The following KIAA1549 variants were observed in gnomAD, a reference collection of about 807,000 sequenced individuals.
The protein encoded by KIAA1549 is UPF0606 protein KIAA1549.
Under a neutral mutation model 156.4 loss-of-function variants are expected in KIAA1549, and 70 were observed. The ratio of observed to expected loss-of-function variants is 0.45; its 90% CI spans 0.37 to 0.55. The LOEUF is 0.55. KIAA1549 is among the 20% of genes least tolerant of loss of function. The pLI, the probability that KIAA1549 is intolerant of heterozygous loss-of-function variation, is 0.00. For missense variants in KIAA1549, 2,428 were observed against 2,540.9 expected (o/e 0.96, Z 0.96); for synonymous variants, 1,103 against 1,066.4 (o/e 1.03, Z -0.67).
chr7:138,941,734 G>C (rs1360079180), intron 1 of KIAA1549, among the ~76,000 whole-genome samples: 1 of 152,144 alleles, frequency 6.6e-6, no homozygotes, highest in Admixed American at 6.6e-5. Flanking sequence ...CCCTGGGTTA[G>C]AGCACTTCCA....
intron 15 of KIAA1549, among the ~76,000 whole-genome samples, chr7:138,861,689 C>A (rs1458302003): frequency 4.7e-5 from 6 of 128,606 alleles, no homozygotes. Flanking sequence ...CCCCCCATCT[C>A]TAAAAAAAAA....
intron 1 of KIAA1549, among the ~76,000 whole-genome samples, chr7:138,954,317 T>C (rs1277428126): frequency 6.6e-6 from 1 of 152,090 alleles, no homozygotes; most frequent in Non-Finnish European, 1.5e-5. Flanking sequence ...ATGAGTAAGA[T>C]ACTAAAGAAA....
chr7:138,980,691 C>G (rs1416968639), intron 1 of KIAA1549, among the ~76,000 whole-genome samples: 2 of 152,226 alleles, frequency 1.3e-5, no homozygotes. Flanking sequence ...CACCTCTTCG[C>G]CCCGACAATA....
At chr7:138,879,286 G>A (rs1256590881) in intron 12 of KIAA1549, among the ~76,000 whole-genome samples, 2 of 152,140 alleles carry the variant, frequency 1.3e-5, no homozygotes, top group Admixed American at 6.5e-5. Context: ...CAGGCAAATC[G>A]TGAGGACTCT....
chr7:138,876,421 T>C (rs773002394), intron 12 of KIAA1549: 13 of 152,258 alleles, frequency 8.5e-5, no homozygotes, highest in Non-Finnish European at 1.3e-4. Flanking sequence ...GCTCATCTTC[T>C]TTGTTGCCTT....
chr7:138,904,907 G>GT (rs1811963934), intron 7 of KIAA1549, 115 bp downstream of exon 7: 2 of 651,684 alleles, frequency 3.1e-6, no homozygotes, highest in African/African-American at 3.7e-5. Flanking sequence ...TGCCAAGAAT[G>GT]TAAGGTACAT....
In KIAA1549 at chr7:138,861,380, G is replaced by A. The variant is rs750198727; in HGVS notation, c.5006C>T (p.Pro1669Leu). 27 of 1,611,060 alleles carry A rather than the reference G, an allele frequency of 1.7e-5. No individual in the cohort carries two copies. The highest frequency in any genetic ancestry group is 1.9e-5 in the Non-Finnish European group (22 of 1,179,138). Reference sequence around the variant, plus strand: ...CTGGGGTGGGATGTACTGGGAGGCCGGGAAGGGAAGGGCTGGATACCTCCC... The same window carrying A: ...CTGGGGTGGGATGTACTGGGAGGCCAGGAAGGGAAGGGCTGGATACCTCCC... Reference protein sequence around the residue: ...ELGRYPALPFPASQYIPPQPS... With the variant: ...ELGRYPALPFLASQYIPPQPS... The change falls in exon 16 of 20, where the codon CCG becomes CTG. Residue 1669 changes from proline to leucine, a missense_variant. Physicochemically the swap from Pro to Leu is moderately conservative, Grantham distance 98. Transcript: ENST00000422774.
In KIAA1549 at chr7:138,877,145, C is replaced by A. The variant is rs1221434770; in HGVS notation, c.4345+2393G>T. 2.0e-5 allele frequency among the ~76,000 whole-genome samples: 3 copies of A among 152,172 alleles called. No individual in the cohort carries two copies. In the East Asian group the frequency reaches 5.8e-4, roughly 29 times the overall value. ...AAGCAGCCTCCCTCCCCGCTCCCCA[C>A]CTCCATTAATTTTTACTTCATTACG... is the stretch of plus-strand genomic sequence containing the variant. On this transcript the variant is annotated intron_variant, in intron 12 of 19. Transcript: ENST00000422774.
At chr7:138,872,038 G>A (rs1414006171) in intron 12 of KIAA1549, among the ~76,000 whole-genome samples, 2 of 151,966 alleles carry the variant, frequency 1.3e-5, no homozygotes, top group Non-Finnish European at 2.9e-5. Flanking sequence ...GCCTAGGCTG[G>A]ATAGTGATTC....
chr7:138,962,904 C>A (rs931958533), intron 1 of KIAA1549, among the ~76,000 whole-genome samples: 4 of 152,214 alleles, frequency 2.6e-5, no homozygotes, highest in African/African-American at 9.7e-5. Flanking sequence ...CACAGTTCTG[C>A]GGTCCTACAT....
chr7:138,941,874 A>C (rs1225226623), intron 1 of KIAA1549, among the ~76,000 whole-genome samples: 2 of 152,228 alleles, frequency 1.3e-5, no homozygotes, highest in African/African-American at 4.8e-5. Flanking sequence ...AAACTCTTCC[A>C]AAGAGGAAAT....
rs1201752539 is a variant in KIAA1549, at chr7:138,883,089, T to TAAAAAAAAAAAAAAAAAAAAAAAAAAAA, written c.4033-1533_4033-1506dup. Among the ~76,000 whole-genome samples the TAAAAAAAAAAAAAAAAAAAAAAAAAAAA allele has an allele frequency of 4.2e-5, 2 of 47,064 alleles. 1 individual carries two copies. Among genetic ancestry groups the TAAAAAAAAAAAAAAAAAAAAAAAAAAAA allele is most frequent in the African/African-American group, 1.7e-4 (2 of 11,540 alleles). 30.9% of individuals were successfully genotyped at this position (47,064 alleles called of 152,430 possible). ...CAACATGGTGAAACCCCATCTCCCC[T>TAAAAAAAAAAAAAAAAAAAAAAAAAAAA]AAAAAAAAAAAAAAAAAAAAAAAAA... On this transcript the variant is annotated intron_variant, in intron 10 of 19. Coordinates refer to ENST00000422774, the MANE Select transcript of KIAA1549 (RefSeq NM_001164665.2).
chr7:138,843,299 T>G (rs1263236494), intron 18 of KIAA1549, among the ~76,000 whole-genome samples: 1 of 152,216 alleles, frequency 6.6e-6, no homozygotes, highest in Non-Finnish European at 1.5e-5. Context: ...GGTGTTAATT[T>G]GCAATTTTAA....
In KIAA1549 at chr7:138,837,681, A is replaced by G. The variant is rs981342833; in HGVS notation, c.*225T>C. 2.1e-5 allele frequency: 12 copies of G among 573,564 alleles called. No homozygotes were observed. The highest frequency in any genetic ancestry group is 1.5e-4 in the African/African-American group (8 of 53,532). The allele number at this position is 573,564 out of a possible 1,614,324, so 35.5% of individuals were successfully genotyped here. ...TGCTGCTGGCTTTTGGCCAAAATAC[A>G]TATATTTCAACTGAACCCAAGTGTT... On this transcript the variant is annotated 3_prime_UTR_variant, in exon 20 of 20. Transcript: ENST00000422774.
rs1451090753 is a variant in KIAA1549, at chr7:138,835,877, G to A, written c.*2029C>T. The A allele has an allele frequency of 9.1e-6, 2 of 219,512 alleles. No homozygotes were observed. The highest frequency in any genetic ancestry group is 1.8e-5 in the Non-Finnish European group (2 of 109,524). 13.6% of individuals were successfully genotyped at this position (219,512 alleles called of 1,614,324 possible). A position where few individuals can be genotyped will look rare whatever the true frequency, so the allele number is the denominator to read the frequency against. The stretch of plus-strand genomic sequence containing the variant: ...AGATGCTGCTGGTCCTTTGTTGAAC[G>A]TCCTTGAGAGACTTACTCTCCTGCA... On this transcript the variant is annotated 3_prime_UTR_variant, in exon 20 of 20. Coordinates refer to ENST00000422774, the MANE Select transcript of KIAA1549 (RefSeq NM_001164665.2).
chr7:138,916,681 GGCACTGCACACAA>G, intron 2 of KIAA1549, 54 bp downstream of exon 2: 1 of 1,578,372 alleles, frequency 6.3e-7, no homozygotes, highest in Non-Finnish European at 8.6e-7. Context: ...AAGCCTCACA[GGCACTGCACACAA>G]GCTCCTTAGA....
intron 12 of KIAA1549, among the ~76,000 whole-genome samples, chr7:138,878,580 G>A (rs1410502255): frequency 1.3e-5 from 2 of 152,140 alleles, no homozygotes; most frequent in Non-Finnish European, 2.9e-5. Flanking sequence ...GAGCAACACG[G>A]TGAAACCTTG....
rs1465023908 is a variant in KIAA1549, at chr7:138,881,380, A to G, written c.4229+8T>C. On this transcript the variant is annotated splice_region_variant and intron_variant, in intron 11 of 19. Transcript: ENST00000422774. Reference sequence around the variant, plus strand: ...AACAAAGAATAATACAGAAAGCCCAATAATAACCTTCCTCTGTGACGAACA... The same window carrying G: ...AACAAAGAATAATACAGAAAGCCCAGTAATAACCTTCCTCTGTGACGAACA... The G allele has an allele frequency of 6.2e-7, 1 of 1,611,258 alleles. No individual in the cohort carries two copies. Among genetic ancestry groups the G allele is most frequent in the Non-Finnish European group, 8.5e-7 (1 of 1,178,954 alleles).
At position 138,881,576 on chromosome 7, in the gene KIAA1549, G is replaced by A; in HGVS notation, c.4041C>T (p.Ile1347=). 1.9e-6 allele frequency: 3 copies of A among 1,611,812 alleles called. No individual in the cohort carries two copies. The highest frequency in any genetic ancestry group is 2.5e-6 in the Non-Finnish European group (3 of 1,178,628). ...ANIQQRQKLQ[I]PSVKGFDFAK... is the part of the protein sequence containing the mutation. ...CAAAATCGAAGCCCTTCACACTAGG[G>A]ATCTGCAGCTGAAACATACACACAC... Residue 1347 remains isoleucine (I), a synonymous_variant, in exon 11 of 20, where the codon ATC becomes ATT. Transcript: ENST00000422774.
Sources: allele counts gnomAD v4.1 joint callset (sites outside exome capture counted in the v4.1 genomes callset), GRCh38; gene constraint gnomAD v4.1.1; transcripts MANE v1.5; gene names NCBI Gene and HGNC (gene_info 2026-07-23, HGNC 2026-07-21).